Variants in SEC61A1 observed in about 807,000 individuals in gnomAD.
SEC61A1 encodes the protein SEC61 translocon subunit alpha 1.
SEC61A1 carries 15 observed loss-of-function variants against 55.2 expected under a neutral mutation model. The observed-to-expected ratio is 0.27, with a 90% CI of 0.18 to 0.42. SEC61A1 has a LOEUF of 0.42. Ranked by LOEUF, SEC61A1 falls within the 10% of genes least tolerant of loss-of-function variation. The pLI, the probability that SEC61A1 is intolerant of heterozygous loss-of-function variation, is 1.00. For synonymous variants in SEC61A1, 247 were observed against 234.0 expected (o/e 1.06, Z -0.51); for missense variants, 284 against 602.6 (o/e 0.47, Z 5.53).
At chr3:128,068,146 C>T in intron 11 of SEC61A1, 87 bp downstream of exon 11, 1 of 914,728 alleles carries the variant, frequency 1.1e-6, no homozygotes, top group South Asian at 1.3e-5. Context: ...GGCCCTAGCA[C>T]TTACTGGGTC....
rs764024430 is a variant in SEC61A1 at position 128,067,396 on chromosome 3, A to G, written c.976-25A>G. On this transcript the variant is annotated intron_variant, in intron 9 of 11. Transcript: ENST00000243253. This position sits in a 1 kb window ranked among gnomAD's most constrained non-coding sequence, Gnocchi z 4.1. Reference sequence around the variant, plus strand: ...TAAAGTAAAATGAAGGAGCACTCACATGCGTTTGGTTTCTTCTTCCCCAGG... The same window carrying G: ...TAAAGTAAAATGAAGGAGCACTCACGTGCGTTTGGTTTCTTCTTCCCCAGG... The G allele has an allele frequency of 2.5e-6, 4 of 1,598,590 alleles. No individual in the cohort carries two copies. Among genetic ancestry groups the G allele is most frequent in the East Asian group, 4.5e-5 (2 of 44,774 alleles).
Position 128,069,643 on chromosome 3 carries a change from T to C in SEC61A1, c.1412T>C (p.Met471Thr). 6.2e-7 allele frequency: 1 copy of C among 1,614,086 alleles called. No homozygotes were observed. The highest frequency in any genetic ancestry group is 8.5e-7 in the Non-Finnish European group (1 of 1,180,010). ...AAGGAGCAAAGCGAGGTTGGCAGCA[T>C]GGGGGCCCTGCTCTTCTGAGCCCGT... ...FVKEQSEVGSMGALLF is the reference protein window; with the variant it reads ...FVKEQSEVGSTGALLF Residue 471 changes from methionine to threonine, a missense_variant, in exon 12 of 12, where the codon ATG becomes ACG. By Grantham distance (81) the Met-to-Thr change is moderately conservative. Coordinates refer to ENST00000243253, the MANE Select transcript of SEC61A1 (RefSeq NM_013336.4).
chr3:128,055,887 T>G, intron 4 of SEC61A1, 136 bp downstream of exon 4: 1 of 708,398 alleles, frequency 1.4e-6, no homozygotes, highest in South Asian at 1.7e-5. Context: ...TAAAGTGCTG[T>G]GTTGAATAGC....
At chr3:128,066,089 G>A (rs900061817) in intron 8 of SEC61A1, among the ~76,000 whole-genome samples, 16 of 152,088 alleles carry the variant, frequency 1.1e-4, no homozygotes, top group African/African-American at 3.6e-4. Context: ...CCTGTTCTAG[G>A]TACTGGGAGC....
chr3:128,065,671 TG>T (rs1247928827), intron 8 of SEC61A1, among the ~76,000 whole-genome samples: 2 of 152,234 alleles, frequency 1.3e-5, no homozygotes, highest in Admixed American at 1.3e-4. Flanking sequence ...GCCACATTCT[TG>T]CTTAATAAAA....
chr3:128,064,315 G>A (rs1941898046), intron 7 of SEC61A1, among the ~76,000 whole-genome samples: 1 of 119,788 alleles, frequency 8.3e-6, no homozygotes, highest in Non-Finnish European at 1.5e-5. Context: ...ACTGACTCAT[G>A]TGCCTAAGAA....
intron 7 of SEC61A1, 113 bp downstream of exon 7, chr3:128,060,774 G>A: frequency 3.5e-6 from 4 of 1,140,948 alleles, no homozygotes; most frequent in East Asian, 5.2e-5. Context: ...TCAGTTTTAG[G>A]TTTATCTCTT....
Position 128,064,942 on chromosome 3 carries a change from C to T in SEC61A1, c.682C>T (p.Arg228Ter). ...HLLATRTDKV[R>*]ALREAFYRQN... is the part of the protein sequence containing the mutation. ...GCTGGCCACACGCACAGACAAGGTC[C>T]GAGCCCTTCGGGAGGCGTTCTACCG... The change falls in exon 8 of 12, where the codon CGA becomes TGA. Residue 228 changes from arginine to a stop codon, truncating the protein, a stop_gained. Transcript: ENST00000243253. LOFTEE classifies it high-confidence loss of function. 3 of 1,614,132 alleles carry T rather than the reference C, an allele frequency of 1.9e-6. No individual in the cohort carries two copies. Among genetic ancestry groups the T allele is most frequent in the Non-Finnish European group, 2.5e-6 (3 of 1,179,982 alleles).
chr3:128,060,450 C>T (rs1303819487), intron 6 of SEC61A1, 58 bp from the exon 7 acceptor site: 19 of 1,570,496 alleles, frequency 1.2e-5, no homozygotes, highest in East Asian at 2.2e-5. Flanking sequence ...TACTGAAGGA[C>T]GGAACCATGT....
rs954895865 is a variant in SEC61A1 at position 128,069,840 on chromosome 3, C to G, written c.*178C>G. 2 of 618,488 alleles carry G rather than the reference C, an allele frequency of 3.2e-6. No individual in the cohort carries two copies. The highest frequency in any genetic ancestry group is 5.5e-6 in the Non-Finnish European group (2 of 363,082). The allele number at this position is 618,488 out of a possible 1,614,324, so 38.3% of individuals were successfully genotyped here. On this transcript the variant is annotated 3_prime_UTR_variant, in exon 12 of 12. Coordinates refer to ENST00000243253, the MANE Select transcript of SEC61A1 (RefSeq NM_013336.4). The stretch of plus-strand genomic sequence containing the variant: ...TCCAATTTAAAATTTTGCTTTTTAT[C>G]CTGGCACTGGCAAAAAGAACTGTGA...
chr3:128,052,323 C>T (rs867935454), upstream of SEC61A1: 99 of 401,188 alleles, frequency 2.5e-4, 1 homozygote, highest in Middle Eastern at 1.3e-3. Context: ...AGCGGCGCGG[C>T]GCGGCGAAGC....
chr3:128,052,616 A>C (rs1941705150), intron 1 of SEC61A1, 57 bp downstream of exon 1: 1 of 1,566,732 alleles, frequency 6.4e-7, no homozygotes, highest in Admixed American at 1.9e-5. Context: ...CCCCTTCCCC[A>C]CACCCGTGCG....
intron 4 of SEC61A1, 45 bp from the exon 5 acceptor site, chr3:128,056,664 G>A (rs1183483026): frequency 4.9e-6 from 7 of 1,430,648 alleles, no homozygotes; most frequent in East Asian, 2.6e-5. Context: ...AACGTACTAC[G>A]TTTCCAAGCT....
intron 2 of SEC61A1, among the ~76,000 whole-genome samples, chr3:128,053,804 T>G (rs1437689546): frequency 6.6e-6 from 1 of 152,240 alleles, no homozygotes; most frequent in African/African-American, 2.4e-5. Context: ...CTATGTGACC[T>G]TGGCCTTGTA....
At chr3:128,066,929 G>C in intron 8 of SEC61A1, 25 bp from the exon 9 acceptor site, 1 of 1,613,340 alleles carries the variant, frequency 6.2e-7, no homozygotes, top group Non-Finnish European at 8.5e-7. Flanking sequence ...CAGTGAAGGG[G>C]ATTTGGTTCT....
chr3:128,066,568 G>A (rs1162980793), intron 8 of SEC61A1: 11 of 206,814 alleles, frequency 5.3e-5, no homozygotes, highest in South Asian at 9.0e-5. Flanking sequence ...GACTACAGGC[G>A]CGCACCACCA....
At chr3:128,065,622 C>A (rs549332475) in intron 8 of SEC61A1, among the ~76,000 whole-genome samples, 1 of 152,036 alleles carries the variant, frequency 6.6e-6, no homozygotes, top group Admixed American at 6.6e-5. Context: ...GGTATTTATA[C>A]GAGCTACATG....
upstream of SEC61A1, chr3:128,051,771 G>C: frequency 6.6e-7 from 1 of 1,518,448 alleles, no homozygotes; most frequent in Non-Finnish European, 8.8e-7. Context: ...CTGTGAGGCA[G>C]ACTACTTCCC....
intron 6 of SEC61A1, 50 bp from the exon 7 acceptor site, chr3:128,060,458 T>C (rs1941835233): frequency 1.9e-6 from 3 of 1,591,764 alleles, no homozygotes; most frequent in Admixed American, 1.7e-5. Context: ...GACGGAACCA[T>C]GTCCGTGGGG....
Sources: allele counts gnomAD v4.1 joint callset (sites outside exome capture counted in the v4.1 genomes callset), GRCh38; gene constraint gnomAD v4.1.1; non-coding constraint Gnocchi (gnomAD v3.1); transcripts MANE v1.5; gene names NCBI Gene and HGNC (gene_info 2026-07-23, HGNC 2026-07-21).